Variants in IGFN1 observed in about 807,000 individuals in gnomAD.
The protein encoded by IGFN1 is immunoglobulin-like and fibronectin type III domain-containing protein 1.
Under a neutral mutation model 289.5 loss-of-function variants are expected in IGFN1, and 253 were observed. The observed-to-expected ratio is 0.87, with a 90% CI of 0.79 to 0.97. The LOEUF is 0.97. Among genes scored for constraint, IGFN1 ranks in the 50% least tolerant of loss-of-function variants. IGFN1 has a pLI of 0.00. For missense variants in IGFN1, 4,470 were observed against 4,686.1 expected (o/e 0.95, Z 1.35); for synonymous variants, 1,706 against 1,788.5 (o/e 0.95, Z 1.16).
intron 22 of IGFN1, 49 bp from the exon 23 acceptor site, chr1:201,226,833 G>A: frequency 7.0e-7 from 1 of 1,426,836 alleles, no homozygotes; most frequent in Non-Finnish European, 9.6e-7. Context: ...TCTCAGCCAG[G>A]CCTTCCTCGC....
At chr1:201,220,124 C>CTTCT (rs1653631047) in intron 18 of IGFN1, among the ~76,000 whole-genome samples, 1 of 140,310 alleles carries the variant, frequency 7.1e-6, no homozygotes, top group East Asian at 2.1e-4. Flanking sequence ...CCCTCCCTCT[C>CTTCT]TTCTTTCTTT....
chr1:201,219,676 C>G (rs1653586212), intron 18 of IGFN1, among the ~76,000 whole-genome samples: 1 of 152,250 alleles, frequency 6.6e-6, no homozygotes, highest in Non-Finnish European at 1.5e-5. Flanking sequence ...GCCAGGTGGT[C>G]AACACCTGGA....
At position 201,207,519 on chromosome 1, in the gene IGFN1, C is replaced by T; in HGVS notation, c.2626C>T (p.Leu876=). 6.5e-7 allele frequency: 1 copy of T among 1,535,964 alleles called. No homozygotes were observed. The highest frequency in any genetic ancestry group is 8.7e-7 in the Non-Finnish European group (1 of 1,146,308). Residue 876 remains leucine (L), a synonymous_variant, in exon 12 of 24, where the codon CTG becomes TTG. Coordinates refer to ENST00000335211, the MANE Select transcript of IGFN1 (RefSeq NM_001164586.2). ...TATGGGTGGTATCTGGGTGGCTGGA[C>T]TGACGGAGTCTGGTCAGGGGGTGGA... ...EGMGGIWVAG[L]TESGQGVDAR...
Position 201,211,538 on chromosome 1 carries a change from G to C in IGFN1, c.6645G>C (p.Arg2215Ser). 1 of 1,522,400 alleles carries C rather than the reference G, an allele frequency of 6.6e-7. No individual in the cohort carries two copies. The highest frequency in any genetic ancestry group is 8.8e-7 in the Non-Finnish European group (1 of 1,138,936). The allele number at this position is 1,522,400 out of a possible 1,614,324, so 94.3% of individuals were successfully genotyped here. The change falls in exon 12 of 24, where the codon AGG becomes AGC. Residue 2215 changes from arginine to serine, a missense_variant. By Grantham distance (110) the Arg-to-Ser change is moderately radical. Coordinates refer to ENST00000335211, the MANE Select transcript of IGFN1 (RefSeq NM_001164586.2). ...GGTCAGTGAATAAGGCAGGTTATAG[G>C]AAGGATTTGGGGGCTCCTAAGGGAA... ...EMGSVNKAGY[R>S]KDLGAPKGMG...
chr1:201,213,505 G>A lies in IGFN1; in HGVS notation c.8612G>A (p.Ser2871Asn), dbSNP rs1466537852. 4.3e-6 allele frequency: 7 copies of A among 1,613,932 alleles called. No homozygotes were observed. The African/African-American group carries it at 9.3e-5, about 22-fold the overall frequency. ...QSREPPGHLGSRRSGKDGRLD... is the reference protein window; with the variant it reads ...QSREPPGHLGNRRSGKDGRLD... ...CGGGAGCCCCCTGGTCACCTTGGTA[G>A]CAGGAGAAGTGGCAAAGACGGCAGG... Residue 2871 changes from serine (S) to asparagine (N), a missense_variant, in exon 12 of 24, where the codon AGC becomes AAC. Ser to Asn is a conservative substitution (Grantham distance 46, BLOSUM62 1). Coordinates refer to ENST00000335211, the MANE Select transcript of IGFN1 (RefSeq NM_001164586.2).
At chr1:201,196,487 G>A (rs918617940) in intron 4 of IGFN1, among the ~76,000 whole-genome samples, 4 of 152,196 alleles carry the variant, frequency 2.6e-5, no homozygotes, top group Non-Finnish European at 4.4e-5. Flanking sequence ...TGAGATTACA[G>A]GCATGCGCCA....
At chr1:201,215,487 C>T in intron 14 of IGFN1, 52 bp from the exon 15 acceptor site, 4 of 1,459,338 alleles carry the variant, frequency 2.7e-6, no homozygotes, top group East Asian at 2.3e-5. Flanking sequence ...TTTCTATATT[C>T]CCCAGGTGCC....
chr1:201,196,990 T>G (rs911237789), intron 4 of IGFN1, among the ~76,000 whole-genome samples: 9 of 152,160 alleles, frequency 5.9e-5, no homozygotes, highest in African/African-American at 2.2e-4. Flanking sequence ...AAAAGCACAC[T>G]CTTTCTACTT....
chr1:201,206,173 GCA>G lies in IGFN1; in HGVS notation c.1281_1282del (p.Ile428ArgfsTer18). On this transcript the variant is annotated frameshift_variant, in exon 12 of 24. Coordinates refer to ENST00000335211, the MANE Select transcript of IGFN1 (RefSeq NM_001164586.2). LOFTEE classifies it high-confidence loss of function. The stretch of plus-strand genomic sequence containing the variant: ...GCATCAGGAGCAGAAGAGTCTGGGA[GCA>G]TCGAGAGCCAGGGAGAGAAATCCAG... 6.4e-7 allele frequency: 1 copy of G among 1,550,644 alleles called. No individual in the cohort carries two copies. Among genetic ancestry groups the G allele is most frequent in the South Asian group, 1.2e-5 (1 of 84,014 alleles).
At chr1:201,203,538 C>A (rs964748521) in intron 9 of IGFN1, among the ~76,000 whole-genome samples, 200 bp from the exon 10 acceptor site, 5 of 152,298 alleles carry the variant, frequency 3.3e-5, no homozygotes, top group Middle Eastern at 3.4e-3. Context: ...GCATGGATTC[C>A]CATCCAGCTC....
intron 6 of IGFN1, 57 bp from the exon 7 acceptor site, chr1:201,199,552 C>T (rs376689717): frequency 5.5e-4 from 820 of 1,504,066 alleles, no homozygotes; most frequent in Non-Finnish European, 7.0e-4. Context: ...AAAAGCTCTG[C>T]ATCAACCCTC....
At chr1:201,193,870 C>T (rs17461737) in intron 2 of IGFN1, among the ~76,000 whole-genome samples, 1,871 of 152,276 alleles carry the variant, frequency 0.012, 23 homozygotes, top group South Asian at 0.026. Flanking sequence ...ACTCTTTCTT[C>T]CCAGCTTTTC....
rs1667731065 is a variant in IGFN1 at position 201,210,910 on chromosome 1, A to C, written c.6017A>C (p.Glu2006Ala). 7.4e-6 allele frequency: 11 copies of C among 1,483,920 alleles called. No homozygotes were observed. Among genetic ancestry groups the C allele is most frequent in the African/African-American group, 1.4e-5 (1 of 70,556 alleles). 91.9% of individuals were successfully genotyped at this position (1,483,920 alleles called of 1,614,324 possible). ...TATAGGAAGGATTTGGGGGCTCCTG[A>C]GGGAATAGGTTCAGGGAGTAAGGCA... The part of the protein sequence containing the change: ...AGYRKDLGAP[E>A]GIGSGSKAGF... Residue 2006 changes from glutamate to alanine, a missense_variant, in exon 12 of 24, where the codon GAG becomes GCG. This residue lies in a region of IGFN1 where 108 missense variants were observed against 128.7 expected (regional missense o/e 0.84). Coordinates refer to ENST00000335211, the MANE Select transcript of IGFN1 (RefSeq NM_001164586.2).
At position 201,215,612 on chromosome 1, in the gene IGFN1, G is replaced by A. The variant is rs778551640; in HGVS notation, c.9069G>A (p.Val3023=). The A allele has an allele frequency of 6.2e-7, 1 of 1,613,652 alleles. No homozygotes were observed. Among genetic ancestry groups the A allele is most frequent in the South Asian group, 1.1e-5 (1 of 90,960 alleles). ...TGGTGGTCAAGGCTGGGAAGCCGGT[G>A]ATAGTGAAGATCCCCTTCCAGAGCC... ...EPLVVKAGKP[V]IVKIPFQSHL... is the part of the protein sequence containing the mutation. Residue 3023 remains valine, a synonymous_variant, in exon 15 of 24, where the codon GTG becomes GTA. Coordinates refer to ENST00000335211, the MANE Select transcript of IGFN1 (RefSeq NM_001164586.2).
In IGFN1 at chr1:201,207,597, G is replaced by T. The variant is rs529651501; in HGVS notation, c.2704G>T (p.Gly902Trp). The T allele has an allele frequency of 5.1e-5, 78 of 1,536,558 alleles. No homozygotes were observed. In the East Asian group the frequency reaches 1.8e-3, roughly 36 times the overall value. Residue 902 changes from glycine (G) to tryptophan (W), a missense_variant, in exon 12 of 24, where the codon GGG becomes TGG. Physicochemically the swap from Gly to Trp is radical, Grantham distance 184. This residue lies in a region of IGFN1 where 2,011 missense variants were observed against 1,953.4 expected (regional missense o/e 1.03). Coordinates refer to ENST00000335211, the MANE Select transcript of IGFN1 (RefSeq NM_001164586.2). ...TCCAGGCCTGGGTGCTCAGGGATCTGGGGGGACACTAGGAGATAAGAAAGG... is the reference window on the plus strand; with the variant it reads ...TCCAGGCCTGGGTGCTCAGGGATCTTGGGGGACACTAGGAGATAAGAAAGG... ...RAPGLGAQGS[G>W]GTLGDKKGLR...
At position 201,216,587 on chromosome 1, in the gene IGFN1, T is replaced by A; in HGVS notation, c.9429T>A (p.Ala3143=). 3.1e-6 allele frequency: 5 copies of A among 1,613,754 alleles called. No individual in the cohort carries two copies. The highest frequency in any genetic ancestry group is 4.2e-6 in the Non-Finnish European group (5 of 1,179,858). Reference sequence around the variant, plus strand: ...GCTACGTGGTGGAGAGACGGCAGGCTGGCAGGAGCACTTGGCTGAAGGTGG... The same window carrying A: ...GCTACGTGGTGGAGAGACGGCAGGCAGGCAGGAGCACTTGGCTGAAGGTGG... ...VECYVVERRQ[A]GRSTWLKVGE... is the part of the protein sequence containing the mutation. The change falls in exon 16 of 24, where the codon GCT becomes GCA. Residue 3143 remains alanine, a synonymous_variant. Transcript: ENST00000335211.
In IGFN1 at chr1:201,207,356, A is replaced by G; in HGVS notation, c.2463A>G (p.Ala821=). 3 of 1,536,970 alleles carry G rather than the reference A, an allele frequency of 2.0e-6. No homozygotes were observed. Among genetic ancestry groups the G allele is most frequent in the Non-Finnish European group, 2.6e-6 (3 of 1,146,864 alleles). The change falls in exon 12 of 24, where the codon GCA becomes GCG. Residue 821 remains alanine, a synonymous_variant. Coordinates refer to ENST00000335211, the MANE Select transcript of IGFN1 (RefSeq NM_001164586.2). The stretch of plus-strand genomic sequence containing the variant: ...TCCAGTCTTCCCAGGGCTGGACAGC[A>G]GGTCACAGAGCAGCAGGGGGTATTG... The part of the protein sequence containing the change: ...RSFQSSQGWT[A]GHRAAGGIGR...
At position 201,212,279 on chromosome 1, in the gene IGFN1, C is replaced by A; in HGVS notation, c.7386C>A (p.Gly2462=). The change falls in exon 12 of 24, where the codon GGC becomes GGA. Residue 2462 remains glycine (G), a synonymous_variant. Coordinates refer to ENST00000335211, the MANE Select transcript of IGFN1 (RefSeq NM_001164586.2). ...GGRQTLSDER[G]STKDLGGYGT... ...GACAGACTCTTTCAGATGAGCGAGG[C>A]TCCACCAAAGATCTTGGGGGCTATG... 2.0e-6 allele frequency: 3 copies of A among 1,536,120 alleles called. No individual in the cohort carries two copies. Among genetic ancestry groups the A allele is most frequent in the Non-Finnish European group, 1.7e-6 (2 of 1,146,620 alleles).
rs1440066263 is a variant in IGFN1 at position 201,205,182 on chromosome 1, A to G, written c.1017A>G (p.Ala339=). 1 of 1,551,314 alleles carries G rather than the reference A, an allele frequency of 6.4e-7. No homozygotes were observed. The highest frequency in any genetic ancestry group is 2.0e-5 in the Admixed American group (1 of 51,010). ...CCCTCTCCAGCCCCTGCCCTAGTGC[A>G]GCCTGGCATTTCCGGCACCGGCTAC... ...ECTLSSPCPS[A]AWHFRHRLLH... The change falls in exon 11 of 24, where the codon GCA becomes GCG. Residue 339 remains alanine, a synonymous_variant. Transcript: ENST00000335211.
Sources: gnomAD v4.1 joint callset for allele counts (sites outside exome capture counted in the v4.1 genomes callset) on GRCh38, gnomAD v4.1.1 for gene constraint, gnomAD v4.1.1 regional missense constraint, MANE v1.5 for transcripts, NCBI Gene and HGNC (gene_info 2026-07-23, HGNC 2026-07-21) for gene names.